The following RP1 variants were observed in gnomAD, a reference collection of about 807,000 sequenced individuals.
RP1 encodes oxygen-regulated protein 1.
Under a neutral mutation model 14.8 loss-of-function variants are expected in RP1, and 16 were observed. That is an observed-to-expected ratio of 1.08 (90% confidence interval 0.73 to 1.65). RP1 has a LOEUF of 1.65. RP1 is among the 40% of genes most tolerant of loss of function. RP1 has a pLI of 0.00. For synonymous variants in RP1, 876 were observed against 883.6 expected (o/e 0.99, Z 0.15); for missense variants, 2,631 against 2,535.0 (o/e 1.04, Z -0.81).
At chr8:54,764,129 G>C (rs10958427) in intron 22 of RP1, among the ~76,000 whole-genome samples, 6 of 152,138 alleles carry the variant, frequency 3.9e-5, no homozygotes, top group African/African-American at 1.4e-4. Context: ...TTGTTCCACC[G>C]AAACAATTGT....
At chr8:54,695,375 T>C (rs1563350228) in intron 12 of RP1, among the ~76,000 whole-genome samples, 1 of 152,086 alleles carries the variant, frequency 6.6e-6, no homozygotes, top group Non-Finnish European at 1.5e-5. Context: ...TAAATAGCCA[T>C]CTCTTCATAG....
chr8:54,839,644 C>T (rs561662422), intron 25 of RP1, among the ~76,000 whole-genome samples: 1 of 152,266 alleles, frequency 6.6e-6, no homozygotes, highest in South Asian at 2.1e-4. Context: ...ATTTCCTCAA[C>T]AATTACCAGA....
intron 1 of RP1, among the ~76,000 whole-genome samples, chr8:54,570,825 G>C (rs1804503817): frequency 6.6e-6 from 1 of 152,152 alleles, no homozygotes. Flanking sequence ...GTAGAAAACA[G>C]AAAGACAGCC....
Position 54,625,776 on chromosome 8 carries a change from TC to T in RP1, c.1895del (p.Ser632Ter). 1 of 1,613,610 alleles carries T rather than the reference TC, an allele frequency of 6.2e-7. No homozygotes were observed. The highest frequency in any genetic ancestry group is 8.5e-7 in the Non-Finnish European group (1 of 1,179,990). On this transcript the variant is annotated frameshift_variant, in exon 4 of 4. Coordinates refer to ENST00000220676, the MANE Select transcript of RP1 (RefSeq NM_006269.2). LOFTEE classifies it low-confidence loss of function (END_TRUNC). ...CAAAAATATTTCTGAGGCTCCAGCTTCAGAAGCATCCTCTACTGTCACTGCA... is the reference window on the plus strand; with the variant it reads ...CAAAAATATTTCTGAGGCTCCAGCTTAGAAGCATCCTCTACTGTCACTGCA... ...TDKNISEAPA[S>X]EASSTVTARI...
At chr8:54,641,915 T>C (rs902612214) in intron 3 of RP1, among the ~76,000 whole-genome samples, 1 of 152,178 alleles carries the variant, frequency 6.6e-6, no homozygotes, top group African/African-American at 2.4e-5. Flanking sequence ...AAAATGATTA[T>C]GTGTGACGCT....
chr8:54,788,211 G>A (rs1040366690), intron 24 of RP1, among the ~76,000 whole-genome samples: 1 of 152,176 alleles, frequency 6.6e-6, no homozygotes, highest in Non-Finnish European at 1.5e-5. Context: ...TCTGCAGGCT[G>A]GAGTAGGAGG....
chr8:54,574,188 AAC>A (rs571911931), intron 1 of RP1, among the ~76,000 whole-genome samples: 2 of 152,190 alleles, frequency 1.3e-5, no homozygotes, highest in Non-Finnish European at 2.9e-5. Flanking sequence ...AGATGAGGGA[AAC>A]ACAGTTCCTC....
At chr8:54,843,632 G>A (rs10086694) in intron 25 of RP1, among the ~76,000 whole-genome samples, 45,288 of 152,058 alleles carry the variant, frequency 0.3, 7,015 homozygotes, top group South Asian at 0.37. Flanking sequence ...GGTGACCTGA[G>A]AGAAAGCACT....
At chr8:54,857,763 C>T (rs909474428) in intron 27 of RP1, among the ~76,000 whole-genome samples, 13 of 152,218 alleles carry the variant, frequency 8.5e-5, no homozygotes, top group African/African-American at 2.6e-4. Flanking sequence ...TCAGCAAACG[C>T]GCTGCTTGAA....
chr8:54,566,264 T>C (rs1356773203), intron 1 of RP1, among the ~76,000 whole-genome samples: 1 of 152,146 alleles, frequency 6.6e-6, no homozygotes, highest in Non-Finnish European at 1.5e-5. Flanking sequence ...AATCTTCAAC[T>C]TCTCTCCACC....
At chr8:54,607,789 C>G (rs574497425) in intron 1 of RP1, among the ~76,000 whole-genome samples, 3 of 152,206 alleles carry the variant, frequency 2.0e-5, no homozygotes, top group African/African-American at 7.2e-5. Flanking sequence ...AGTTTGATCT[C>G]AGACTGCTGT....
At chr8:54,722,434 C>G (rs188893553) in intron 16 of RP1, among the ~76,000 whole-genome samples, 10 of 152,080 alleles carry the variant, frequency 6.6e-5, no homozygotes, top group Admixed American at 4.6e-4. Flanking sequence ...CCGCGCCCAG[C>G]TAATTTTTTG....
At position 54,789,672 on chromosome 8, in the gene RP1, T is replaced by C. The variant is rs982594242; in HGVS notation, c.3615+5962T>C. Among the ~76,000 whole-genome samples the C allele has an allele frequency of 2.0e-5, 3 of 152,156 alleles. No individual in the cohort carries two copies. In the East Asian group the frequency reaches 5.8e-4, roughly 29 times the overall value. Reference sequence around the variant, plus strand: ...TATGGTCTTGCTAAATTGTGGAGCATAGCCTGATGGAACAGGGAGTCCAGA... The same window carrying C: ...TATGGTCTTGCTAAATTGTGGAGCACAGCCTGATGGAACAGGGAGTCCAGA... On this transcript the variant is annotated intron_variant, in intron 24 of 28. Transcript: ENST00000637698.
chr8:54,759,211 A>T (rs1333915464), intron 22 of RP1: 1 of 820,438 alleles, frequency 1.2e-6, no homozygotes, highest in Non-Finnish European at 1.8e-6. Flanking sequence ...ATTAACTCAG[A>T]TTCCACACCA....
chr8:54,606,241 G>T (rs1270418544), intron 1 of RP1, among the ~76,000 whole-genome samples: 2 of 152,168 alleles, frequency 1.3e-5, no homozygotes, highest in Non-Finnish European at 2.9e-5. Flanking sequence ...AGGCCTGGTG[G>T]TGACAAAATC....
chr8:54,675,800 G>A (rs1807283983), intron 8 of RP1, among the ~76,000 whole-genome samples: 2 of 152,146 alleles, frequency 1.3e-5, no homozygotes, highest in African/African-American at 4.8e-5. Flanking sequence ...AAAGACCAGA[G>A]TAAAATAATA....
At chr8:54,560,366 G>A (rs577493998) in intron 1 of RP1, 9 of 152,276 alleles carry the variant, frequency 5.9e-5, no homozygotes, top group East Asian at 5.8e-4. Context: ...ACATTCACAC[G>A]CCCGCTGCTA....
At chr8:54,701,489 A>G in exon 14 of RP1, 4 of 1,514,036 alleles carry the variant, frequency 2.6e-6, no homozygotes, top group Non-Finnish European at 3.5e-6. Context: ...CTTTTAGGTT[A>G]GTGGTGAAGC....
At chr8:54,565,478 T>C (rs1304145859) in intron 1 of RP1, among the ~76,000 whole-genome samples, 1 of 152,164 alleles carries the variant, frequency 6.6e-6, no homozygotes, top group Non-Finnish European at 1.5e-5. Context: ...GGCAGGAGAA[T>C]CGCTTGAACC....
Sources: allele counts gnomAD v4.1 joint callset (sites outside exome capture counted in the v4.1 genomes callset), GRCh38; gene constraint gnomAD v4.1.1; transcripts MANE v1.5; gene names NCBI Gene and HGNC (gene_info 2026-07-23, HGNC 2026-07-21).